The following PSD3 variants were observed in gnomAD, a reference collection of about 807,000 sequenced individuals.
The protein encoded by PSD3 is pleckstrin and Sec7 domain containing 3, also known as PH and SEC7 domain-containing protein 3.
A neutral mutation model predicts 105.5 loss-of-function variants in PSD3; 49 were observed. That is an observed-to-expected ratio of 0.46 (90% confidence interval 0.37 to 0.59). The LOEUF is 0.59. Ranked by LOEUF, PSD3 falls within the 20% of genes least tolerant of loss-of-function variation. PSD3 has a pLI of 0.00. For missense variants in PSD3, 1,561 were observed against 1,263.8 expected (o/e 1.24, Z -3.57); for synonymous variants, 557 against 457.8 (o/e 1.22, Z -2.77).
At chr8:18,954,400 A>T (rs535221130) in intron 1 of PSD3, among the ~76,000 whole-genome samples, 1 of 152,210 alleles carries the variant, frequency 6.6e-6, no homozygotes, top group African/African-American at 2.4e-5. Flanking sequence ...AAAGAGTAGT[A>T]TGGAAAAAGT....
chr8:19,045,188 C>G (rs1828274389), intron 1 of PSD3, among the ~76,000 whole-genome samples: 1 of 150,370 alleles, frequency 6.7e-6, no homozygotes. Context: ...CCATCAAAAA[C>G]AAAAAAACAA....
chr8:19,081,183 G>A (rs990874826), intron 1 of PSD3, among the ~76,000 whole-genome samples: 2 of 152,132 alleles, frequency 1.3e-5, no homozygotes, highest in Non-Finnish European at 2.9e-5. Context: ...AGAGCCGTCC[G>A]TTGGCACCAC....
intron 1 of PSD3, among the ~76,000 whole-genome samples, chr8:18,936,791 TA>T (rs1311670546): frequency 6.6e-6 from 1 of 152,134 alleles, no homozygotes; most frequent in Admixed American, 6.6e-5. Flanking sequence ...ATTTTGTTTT[TA>T]AACACATCAT....
chr8:18,738,765 A>G (rs938453362), intron 9 of PSD3, among the ~76,000 whole-genome samples: 3 of 152,202 alleles, frequency 2.0e-5, no homozygotes, highest in Non-Finnish European at 4.4e-5. Flanking sequence ...CTGACTGATC[A>G]CTTTCCAGAA....
At chr8:18,902,683 G>T (rs1011232718) in intron 2 of PSD3, among the ~76,000 whole-genome samples, 1 of 152,164 alleles carries the variant, frequency 6.6e-6, no homozygotes, top group Non-Finnish European at 1.5e-5. Flanking sequence ...TTGACCTTCA[G>T]TAGGGTTTTA....
At chr8:18,805,933 G>A (rs901773778) in intron 4 of PSD3, among the ~76,000 whole-genome samples, 1 of 152,156 alleles carries the variant, frequency 6.6e-6, no homozygotes, top group South Asian at 2.1e-4. Context: ...ACCATAGTTT[G>A]TCAGTCATTC....
intron 14 of PSD3, among the ~76,000 whole-genome samples, chr8:18,559,609 T>A (rs1270996496): frequency 1.5e-5 from 2 of 132,456 alleles, no homozygotes; most frequent in Non-Finnish European, 3.2e-5. Flanking sequence ...TTAGGTAATT[T>A]GGTAAAAGAA....
intron 2 of PSD3, among the ~76,000 whole-genome samples, chr8:18,931,598 A>G (rs1821751683): frequency 6.6e-6 from 1 of 152,182 alleles, no homozygotes; most frequent in African/African-American, 2.4e-5. Flanking sequence ...TAGAACCTTA[A>G]AATTATAACA....
chr8:18,904,740 C>T lies in PSD3; in HGVS notation c.130+31294G>A, dbSNP rs149296682. Among the ~76,000 whole-genome samples, 503 of 152,316 alleles carry T rather than the reference C, an allele frequency of 3.3e-3. 3 individuals carry two copies. Among genetic ancestry groups the T allele is most frequent in the African/African-American group, 0.012 (489 of 41,568 alleles). On this transcript the variant is annotated intron_variant, in intron 2 of 15. Transcript: ENST00000327040. ...AAGGACCAGACAGTAAATACCTTAA[C>T]CTTTCTGGGCCATAAGGTCTCTACA... is the stretch of plus-strand genomic sequence containing the variant.
chr8:18,698,364 C>T (rs991655391), intron 9 of PSD3, among the ~76,000 whole-genome samples: 2 of 152,150 alleles, frequency 1.3e-5, no homozygotes, highest in African/African-American at 4.8e-5. Flanking sequence ...AGTGATCCTC[C>T]TGCCTTGGCC....
At chr8:19,057,854 C>G (rs1443391181) in intron 1 of PSD3, among the ~76,000 whole-genome samples, 1 of 152,152 alleles carries the variant, frequency 6.6e-6, no homozygotes, top group Non-Finnish European at 1.5e-5. Context: ...TGCAAAATGA[C>G]AGGGCCACTC....
intron 9 of PSD3, among the ~76,000 whole-genome samples, chr8:18,696,181 C>T (rs1186334252): frequency 6.6e-6 from 1 of 152,210 alleles, no homozygotes; most frequent in South Asian, 2.1e-4. Context: ...TTCACAGAGG[C>T]CTTTGTTGAG....
chr8:18,765,664 C>T (rs528276356), intron 8 of PSD3, 126 bp from the exon 9 acceptor site: 26 of 789,000 alleles, frequency 3.3e-5, no homozygotes, highest in Middle Eastern at 2.5e-4. Context: ...CGGTGGCTCA[C>T]GCCTGTAACT....
intron 4 of PSD3, among the ~76,000 whole-genome samples, chr8:18,847,591 C>T (rs535464041): frequency 1.1e-4 from 16 of 152,274 alleles, no homozygotes; most frequent in East Asian, 5.8e-4. Flanking sequence ...AGTATGATTT[C>T]GTACCGTCAA....
intron 11 of PSD3, among the ~76,000 whole-genome samples, chr8:18,621,584 C>G (rs1806112095): frequency 6.6e-6 from 1 of 152,148 alleles, no homozygotes; most frequent in Non-Finnish European, 1.5e-5. Context: ...CTATCTAAAA[C>G]AGCCAATATT....
At chr8:18,780,762 G>A (rs1299627739) in intron 8 of PSD3, among the ~76,000 whole-genome samples, 1 of 152,070 alleles carries the variant, frequency 6.6e-6, no homozygotes, top group Admixed American at 6.6e-5. Flanking sequence ...CACTGTGTTA[G>A]CCAGGATGGT....
chr8:18,532,639 G>A lies in PSD3; in HGVS notation c.*3104C>T, dbSNP rs1276688696. The A allele has an allele frequency of 6.6e-6, 1 of 152,194 alleles. No homozygotes were observed. Among genetic ancestry groups the A allele is most frequent in the Admixed American group, 6.5e-5 (1 of 15,278 alleles). 9.4% of individuals were successfully genotyped at this position (152,194 alleles called of 1,614,324 possible). A position where few individuals can be genotyped will look rare whatever the true frequency, so the allele number is the denominator to read the frequency against. On this transcript the variant is annotated 3_prime_UTR_variant, in exon 16 of 16. Transcript: ENST00000327040. Reference sequence around the variant, plus strand: ...TCAGTTTAATTAGACACTGCTGAGAGTTAGCAAAATGATGTTTCAAAAAAG... The same window carrying A: ...TCAGTTTAATTAGACACTGCTGAGAATTAGCAAAATGATGTTTCAAAAAAG...
At position 18,556,191 on chromosome 8, in the gene PSD3, C is replaced by T. The variant is rs758505695; in HGVS notation, c.2928+18G>A. The T allele has an allele frequency of 6.2e-7, 1 of 1,612,202 alleles. No homozygotes were observed. The highest frequency in any genetic ancestry group is 1.1e-5 in the South Asian group (1 of 90,660). On this transcript the variant is annotated intron_variant, in intron 15 of 15. Transcript: ENST00000327040. ...AAACTCAGAAATCAGCATTTACTAA[C>T]ATTTGGGTGCAACACACCTCAAACT...
chr8:18,567,735 A>T (rs1801882488), intron 14 of PSD3, among the ~76,000 whole-genome samples: 1 of 152,094 alleles, frequency 6.6e-6, no homozygotes, highest in East Asian at 1.9e-4. Context: ...ATTACCTTCC[A>T]TTCATTCCCC....
Sources: gnomAD v4.1 joint callset for allele counts (sites outside exome capture counted in the v4.1 genomes callset) on GRCh38, gnomAD v4.1.1 for gene constraint, MANE v1.5 for transcripts, NCBI Gene and HGNC (gene_info 2026-07-23, HGNC 2026-07-21) for gene names.